Variants in PCYOX1 observed in about 807,000 individuals in gnomAD.
PCYOX1 encodes the protein prenylcysteine oxidase 1.
PCYOX1 carries 46 observed loss-of-function variants against 46.4 expected under a neutral mutation model. That is an observed-to-expected ratio of 0.99 (90% confidence interval 0.78 to 1.27). The LOEUF is 1.27. PCYOX1 is among the 50% of genes most tolerant of loss of function. The pLI is 0.00. For missense variants in PCYOX1, 658 were observed against 628.3 expected (o/e 1.05, Z -0.51); for synonymous variants, 220 against 231.8 (o/e 0.95, Z 0.46).
At chr2:70,271,251 T>C (rs1325125848) in intron 3 of PCYOX1, among the ~76,000 whole-genome samples, 4 of 150,990 alleles carry the variant, frequency 2.6e-5, no homozygotes. Flanking sequence ...TTTTTTTTTT[T>C]TTCTGTAAGT....
Position 70,261,260 on chromosome 2 carries a change from G to T in PCYOX1, c.368G>T (p.Gly123Val). The stretch of plus-strand genomic sequence containing the variant: ...GGTGGCCTACTGGGGATATATAATG[G>T]AGAGACTCTGGTATTTGAGGAGAGC... Reference protein sequence around the residue: ...ASGGLLGIYNGETLVFEESNW... With the variant: ...ASGGLLGIYNVETLVFEESNW... Residue 123 changes from glycine to valine, a missense_variant, in exon 3 of 6, where the codon GGA becomes GTA. Gly to Val is a moderately radical substitution (Grantham distance 109). Coordinates refer to ENST00000433351, the MANE Select transcript of PCYOX1 (RefSeq NM_016297.4). The T allele has an allele frequency of 6.2e-7, 1 of 1,611,560 alleles. No homozygotes were observed. Among genetic ancestry groups the T allele is most frequent in the Non-Finnish European group, 8.5e-7 (1 of 1,177,614 alleles).
chr2:70,261,943 A>C (rs1003968391), intron 3 of PCYOX1, among the ~76,000 whole-genome samples: 1 of 152,218 alleles, frequency 6.6e-6, no homozygotes, highest in Non-Finnish European at 1.5e-5. Flanking sequence ...GTAGAGTAAA[A>C]GTTCCATATT....
intron 3 of PCYOX1, among the ~76,000 whole-genome samples, chr2:70,264,811 C>T (rs1252086651): frequency 1.3e-5 from 2 of 151,746 alleles, no homozygotes; most frequent in East Asian, 2.0e-4. Context: ...GTCAGGAGTT[C>T]GAGACCAGCC....
rs549018637 is a variant in PCYOX1 at position 70,269,062 on chromosome 2, A to G, written c.495-5897A>G. Among the ~76,000 whole-genome samples, 67 of 152,140 alleles carry G rather than the reference A, an allele frequency of 4.4e-4. No individual in the cohort carries two copies. In the South Asian group the frequency reaches 5.4e-3, roughly 12 times the overall value. On this transcript the variant is annotated intron_variant, in intron 3 of 5. Transcript: ENST00000433351. ...GTAACTGTCCATTATTGAAAATGGG[A>G]TATTGAAGTCTCCATTATTGTTGAA...
chr2:70,263,537 T>G (rs977472521), intron 3 of PCYOX1, among the ~76,000 whole-genome samples: 2 of 152,088 alleles, frequency 1.3e-5, no homozygotes, highest in Non-Finnish European at 2.9e-5. Context: ...CAAGGAAATA[T>G]ATAGAATTTG....
chr2:70,274,596 C>G (rs1237817397), intron 3 of PCYOX1, among the ~76,000 whole-genome samples: 2 of 142,140 alleles, frequency 1.4e-5, no homozygotes, highest in Non-Finnish European at 3.0e-5. Flanking sequence ...GACACTGTCA[C>G]TGTCTGGCCC....
chr2:70,271,909 TAAAA>T (rs963578090), intron 3 of PCYOX1, among the ~76,000 whole-genome samples: 6 of 151,478 alleles, frequency 4.0e-5, no homozygotes, highest in South Asian at 2.1e-4. Context: ...TATTTCAAAA[TAAAA>T]AAAAAGTATC....
chr2:70,258,133 T>C (rs764122251), upstream of PCYOX1: 4 of 1,534,872 alleles, frequency 2.6e-6, no homozygotes, highest in African/African-American at 1.4e-5. Flanking sequence ...ACTGCGGGGC[T>C]CTTGAGGCCA....
intron 3 of PCYOX1, among the ~76,000 whole-genome samples, chr2:70,266,577 A>G (rs1696526277): frequency 6.6e-6 from 1 of 151,908 alleles, no homozygotes; most frequent in Non-Finnish European, 1.5e-5. Context: ...CATGTGAACA[A>G]AGGTCTCTGG....
At position 70,263,849 on chromosome 2, in the gene PCYOX1, T is replaced by C. The variant is rs1696474302; in HGVS notation, c.494+2463T>C. Among the ~76,000 whole-genome samples the C allele has an allele frequency of 3.3e-5, 5 of 151,726 alleles. No individual in the cohort carries two copies. In the South Asian group the frequency reaches 1.0e-3, roughly 32 times the overall value. On this transcript the variant is annotated intron_variant, in intron 3 of 5. Coordinates refer to ENST00000433351, the MANE Select transcript of PCYOX1 (RefSeq NM_016297.4). ...TAATTTTTTGTATTTTTAGTAGAGA[T>C]GTGGTTTCACCGTGTTAGCCAGGCT...
chr2:70,258,517 C>A (rs1192063348), intron 1 of PCYOX1: 2 of 230,386 alleles, frequency 8.7e-6, no homozygotes, highest in Non-Finnish European at 1.7e-5. Context: ...TGGACGGGGA[C>A]AGGGGCGGGC....
intron 3 of PCYOX1, chr2:70,274,725 G>A (rs1696645982): frequency 4.1e-6 from 2 of 486,508 alleles, no homozygotes; most frequent in African/African-American, 3.9e-5. Context: ...CACTATGCCT[G>A]GTTAATTTTT....
intron 3 of PCYOX1, among the ~76,000 whole-genome samples, chr2:70,269,040 A>G (rs1286235624): frequency 6.6e-6 from 1 of 152,082 alleles, no homozygotes; most frequent in Non-Finnish European, 1.5e-5. Context: ...ATTTTCAGTA[A>G]CTGTCCATTA....
In PCYOX1 at chr2:70,261,242, T is replaced by C. The variant is rs1320681806; in HGVS notation, c.350T>C (p.Leu117Pro). ...TCTGCTGTTCAGGCCTCTGGTGGCC[T>C]ACTGGGGATATATAATGGAGAGACT... ...GLSAVQASGG[L>P]LGIYNGETLV... The change falls in exon 3 of 6, where the codon CTA (leucine) becomes CCA (proline). Residue 117 changes from leucine (L) to proline (P), a missense_variant. By Grantham distance (98) the Leu-to-Pro change is moderately conservative. Transcript: ENST00000433351. 1 of 1,611,878 alleles carries C rather than the reference T, an allele frequency of 6.2e-7. No individual in the cohort carries two copies. Among genetic ancestry groups the C allele is most frequent in the Admixed American group, 1.7e-5 (1 of 59,994 alleles).
chr2:70,270,811 C>T (rs1696591326), intron 3 of PCYOX1, among the ~76,000 whole-genome samples: 1 of 152,038 alleles, frequency 6.6e-6, no homozygotes, highest in Admixed American at 6.6e-5. Context: ...TCTCTGTTGC[C>T]CAGGCTGGAG....
chr2:70,263,645 T>C (rs1696471137), intron 3 of PCYOX1, among the ~76,000 whole-genome samples: 1 of 152,010 alleles, frequency 6.6e-6, no homozygotes, highest in Non-Finnish European at 1.5e-5. Flanking sequence ...TGCTTGTGTG[T>C]ATTGTTTTTC....
Position 70,275,059 on chromosome 2 carries a change from CT to C in PCYOX1, c.597del (p.Glu201LysfsTer16). 6.2e-7 allele frequency: 1 copy of C among 1,613,906 alleles called. No homozygotes were observed. Among genetic ancestry groups the C allele is most frequent in the Non-Finnish European group, 8.5e-7 (1 of 1,179,760 alleles). ...CTTCCTTGGAATGCTTAATCGAACA[CT>C]TCTTGAAACCTTGCAAAAGGCCGGC... Reference protein sequence around the residue: ...DDFLGMLNRTLLETLQKAGFS... With the variant: ...DDFLGMLNRTXLETLQKAGFS... On this transcript the variant is annotated frameshift_variant, in exon 4 of 6. Coordinates refer to ENST00000433351, the MANE Select transcript of PCYOX1 (RefSeq NM_016297.4). LOFTEE classifies it high-confidence loss of function.
chr2:70,266,671 A>G (rs6716539), intron 3 of PCYOX1, among the ~76,000 whole-genome samples: 2,996 of 152,034 alleles, frequency 0.02, 87 homozygotes, highest in African/African-American at 0.069. Flanking sequence ...ATGACTCTTA[A>G]CGAGTATGCT....
intron 3 of PCYOX1, among the ~76,000 whole-genome samples, chr2:70,265,198 ATTTTTTTTTTTT>A (rs397871875): frequency 9.6e-6 from 1 of 104,108 alleles, no homozygotes; most frequent in Non-Finnish European, 2.0e-5. Flanking sequence ...TTCTTAACTA[ATTTTTTTTTTTT>A]TTTTTTTTTT....
Sources: allele counts gnomAD v4.1 joint callset (sites outside exome capture counted in the v4.1 genomes callset), GRCh38; gene constraint gnomAD v4.1.1; transcripts MANE v1.5; gene names NCBI Gene and HGNC (gene_info 2026-07-23, HGNC 2026-07-21).